ABHD5: variants seen among roughly 807,000 people sequenced by gnomAD.
ABHD5 encodes abhydrolase domain containing 5, lysophosphatidic acid acyltransferase.
ABHD5 carries 30 observed loss-of-function variants against 44.9 expected under a neutral mutation model. That is an observed-to-expected ratio of 0.67 (90% CI 0.50 to 0.91). ABHD5 has a LOEUF of 0.91. Ranked by LOEUF, ABHD5 falls within the 40% of genes least tolerant of loss-of-function variation. The pLI, the probability that ABHD5 is intolerant of heterozygous loss-of-function variation, is 0.00. For missense variants in ABHD5, 399 were observed against 423.4 expected (o/e 0.94, Z 0.50); for synonymous variants, 167 against 147.0 (o/e 1.14, Z -0.99).
At chr3:43,703,654 T>G (rs766388090) in intron 3 of ABHD5, among the ~76,000 whole-genome samples, 2 of 152,236 alleles carry the variant, frequency 1.3e-5, no homozygotes, top group Non-Finnish European at 2.9e-5. Flanking sequence ...ATTTTTCCAT[T>G]GGACTGATTT....
At chr3:43,701,694 A>G (rs577358363) in intron 2 of ABHD5, among the ~76,000 whole-genome samples, 1 of 152,176 alleles carries the variant, frequency 6.6e-6, no homozygotes, top group Admixed American at 6.5e-5. Flanking sequence ...TTAAGGTTTC[A>G]CTTACATGTT....
At position 43,718,546 on chromosome 3, in the gene ABHD5, C is replaced by G; in HGVS notation, c.*14C>G. 1 of 1,612,346 alleles carries G rather than the reference C, an allele frequency of 6.2e-7. No individual in the cohort carries two copies. The highest frequency in any genetic ancestry group is 8.5e-7 in the Non-Finnish European group (1 of 1,178,398). ...ACTGTGGACTGAACACACTGAAGCT[C>G]TGATGGGAAAACCTGGTGACTGATA... On this transcript the variant is annotated 3_prime_UTR_variant, in exon 7 of 7. Coordinates refer to ENST00000644371, the MANE Select transcript of ABHD5 (RefSeq NM_016006.6).
chr3:43,733,781 C>A (rs1697288386), intron 7 of ABHD5: 1 of 152,148 alleles, frequency 6.6e-6, no homozygotes, highest in Admixed American at 6.5e-5. Flanking sequence ...AATCTGTGTG[C>A]AAATGGGTGG....
chr3:43,725,869 TTTTTTTGG>T (rs550237187), downstream of ABHD5, among the ~76,000 whole-genome samples: 1,543 of 151,778 alleles, frequency 0.01, 16 homozygotes, highest in Middle Eastern at 0.054. Flanking sequence ...TGTTTTTTTG[TTTTTTTGG>T]TTTTTTGTTT....
chr3:43,729,771 A>T (rs1466409748), intron 7 of ABHD5, among the ~76,000 whole-genome samples: 1 of 152,206 alleles, frequency 6.6e-6, no homozygotes, highest in African/African-American at 2.4e-5. Context: ...AAGGTGCTCA[A>T]ATAAATGTTA....
chr3:43,723,337 A>G (rs1178695496), downstream of ABHD5, among the ~76,000 whole-genome samples: 6 of 152,242 alleles, frequency 3.9e-5, no homozygotes, highest in African/African-American at 1.4e-4. Flanking sequence ...TCTTCATGTA[A>G]GAATCATAGG....
At chr3:43,724,422 T>C (rs1265324379), downstream of ABHD5, among the ~76,000 whole-genome samples, 1 of 152,116 alleles carries the variant, frequency 6.6e-6, no homozygotes, top group Non-Finnish European at 1.5e-5. Flanking sequence ...TATGGCAAAA[T>C]TGTTAAGTGC....
intron 1 of ABHD5, among the ~76,000 whole-genome samples, chr3:43,695,517 A>G (rs1437057218): frequency 6.6e-6 from 1 of 152,230 alleles, no homozygotes; most frequent in African/African-American, 2.4e-5. Context: ...CTCTTTACTT[A>G]TAACCTAATT....
rs1359192993 is a variant in ABHD5 at position 43,699,324 on chromosome 3, A to C, written c.96A>C (p.Ile32=). The C allele has an allele frequency of 6.2e-7, 1 of 1,614,064 alleles. No homozygotes were observed. The highest frequency in any genetic ancestry group is 8.5e-7 in the Non-Finnish European group (1 of 1,179,930). ...TCCCCACATGGTGCCCTACGTCTATATCACACCTTAAAGAAGCTGAAGAGA... is the reference window on the plus strand; with the variant it reads ...TCCCCACATGGTGCCCTACGTCTATCTCACACCTTAAAGAAGCTGAAGAGA... The part of the protein sequence containing the change: ...GWLPTWCPTS[I]SHLKEAEEKM... The change falls in exon 2 of 7, where the codon ATA becomes ATC. Residue 32 remains isoleucine, a synonymous_variant. Coordinates refer to ENST00000644371, the MANE Select transcript of ABHD5 (RefSeq NM_016006.6).
chr3:43,714,917 C>T, intron 4 of ABHD5, 30 bp from the exon 5 acceptor site: 2 of 1,477,260 alleles, frequency 1.4e-6, no homozygotes, highest in Non-Finnish European at 1.9e-6. Flanking sequence ...TAATTTAAAA[C>T]ATGCATTTTT....
At chr3:43,731,038 C>T (rs978835303) in intron 7 of ABHD5, among the ~76,000 whole-genome samples, 2 of 151,758 alleles carry the variant, frequency 1.3e-5, no homozygotes, top group Non-Finnish European at 1.5e-5. Context: ...CCATGTTAGC[C>T]ACGGTGGTCT....
chr3:43,704,074 G>A (rs1208570533), intron 3 of ABHD5, among the ~76,000 whole-genome samples: 23 of 130,826 alleles, frequency 1.8e-4, no homozygotes, highest in Non-Finnish European at 3.2e-4. Context: ...GTCTCACTCG[G>A]TCGCCCAGGC....
intron 1 of ABHD5, 100 bp from the exon 2 acceptor site, chr3:43,699,176 T>C: frequency 1.0e-6 from 1 of 985,232 alleles, no homozygotes; most frequent in Non-Finnish European, 1.6e-6. Flanking sequence ...ATCACACAGG[T>C]AGTAAATTTC....
chr3:43,731,083 C>G (rs2084910003), intron 7 of ABHD5, among the ~76,000 whole-genome samples: 1 of 152,100 alleles, frequency 6.6e-6, no homozygotes, highest in African/African-American at 2.4e-5. Flanking sequence ...CTGCCTCGGC[C>G]TCCCAAAGTG....
At chr3:43,726,107 G>A (rs148501327), downstream of ABHD5, among the ~76,000 whole-genome samples, 240 of 152,080 alleles carry the variant, frequency 1.6e-3, no homozygotes, top group African/African-American at 5.6e-3. Context: ...CTCGTGATCC[G>A]GCCACCTTGG....
At chr3:43,730,062 A>G (rs2084903207) in intron 7 of ABHD5, among the ~76,000 whole-genome samples, 2 of 152,260 alleles carry the variant, frequency 1.3e-5, no homozygotes, top group Admixed American at 6.5e-5. Flanking sequence ...ATCTTTTATA[A>G]GAAATGACAT....
chr3:43,699,670 C>A (rs1408998997), intron 2 of ABHD5: 4 of 216,400 alleles, frequency 1.8e-5, no homozygotes, highest in Non-Finnish European at 3.7e-5. Context: ...ATTGAATAAT[C>A]AAAAATGTTA....
At chr3:43,731,120 G>A (rs899589676) in intron 7 of ABHD5, among the ~76,000 whole-genome samples, 2 of 152,136 alleles carry the variant, frequency 1.3e-5, no homozygotes, top group Non-Finnish European at 2.9e-5. Flanking sequence ...GAGCCACTGC[G>A]CCCGGCCCTA....
chr3:43,694,276 AAAAG>A (rs1227965798), intron 1 of ABHD5, among the ~76,000 whole-genome samples: 2 of 151,704 alleles, frequency 1.3e-5, no homozygotes, highest in East Asian at 3.9e-4. Flanking sequence ...AAAAAAAAAA[AAAAG>A]CTCAGTTCTT....
Sources: gnomAD v4.1 joint callset for allele counts (sites outside exome capture counted in the v4.1 genomes callset) on GRCh38, gnomAD v4.1.1 for gene constraint, MANE v1.5 for transcripts, NCBI Gene and HGNC (gene_info 2026-07-23, HGNC 2026-07-21) for gene names.